Variants in MIA2 observed in about 807,000 individuals in gnomAD.
The protein encoded by MIA2 is MIA SH3 domain ER export factor 2.
MIA2 carries 127 observed loss-of-function variants against 167.8 expected under a neutral mutation model. The observed-to-expected ratio is 0.76, with a 90% CI of 0.66 to 0.88. The LOEUF (loss-of-function observed/expected upper bound fraction) is 0.88, where lower values mean the gene tolerates loss of function less well. MIA2 is among the 40% of genes least tolerant of loss of function. The pLI is 0.00. For synonymous variants in MIA2, 552 were observed against 541.9 expected, an observed-to-expected ratio of 1.02 and a Z score of -0.26; for missense variants, 1,690 against 1,624.7, an observed-to-expected ratio of 1.04 and a Z score of -0.69.
intron 25 of MIA2, among the ~76,000 whole-genome samples, chr14:39,333,986 T>C (rs1328231308): frequency 1.3e-5 from 2 of 152,176 alleles, no homozygotes; most frequent in Non-Finnish European, 1.5e-5. Context: ...CAAGGGTAAT[T>C]CTACAGACAC....
intron 25 of MIA2, among the ~76,000 whole-genome samples, chr14:39,341,194 C>T (rs1021045962): frequency 2.0e-5 from 3 of 151,970 alleles, no homozygotes; most frequent in South Asian, 2.1e-4. Flanking sequence ...CCCAGCTGCT[C>T]GGGAGGCTGA....
intron 25 of MIA2, among the ~76,000 whole-genome samples, chr14:39,329,073 C>G (rs935276743): frequency 6.6e-6 from 1 of 152,082 alleles, no homozygotes; most frequent in South Asian, 2.1e-4. Context: ...GCCATTTTCA[C>G]GATATTGATT....
At chr14:39,265,309 G>C (rs2055419502) in intron 6 of MIA2, 4 of 1,045,390 alleles carry the variant, frequency 3.8e-6, no homozygotes, top group Non-Finnish European at 6.0e-6. Context: ...GGATATATTA[G>C]AATCTGAAAT....
chr14:39,329,307 T>TCCC (rs2068265267), intron 25 of MIA2, among the ~76,000 whole-genome samples: 2 of 152,224 alleles, frequency 1.3e-5, no homozygotes, highest in Non-Finnish European at 2.9e-5. Flanking sequence ...CACATTGATT[T>TCCC]TGTATCCTGA....
chr14:39,365,901 T>C (rs73279366), intron 23 of MIA2, among the ~76,000 whole-genome samples: 12,282 of 152,250 alleles, frequency 0.081, 1,648 homozygotes, highest in African/African-American at 0.27. Context: ...TTTTATGTTT[T>C]TTGTCTCCTT....
chr14:39,307,390 A>ATTTTTTTTT (rs373046158), intron 17 of MIA2, among the ~76,000 whole-genome samples: 10 of 67,530 alleles, frequency 1.5e-4, no homozygotes, highest in African/African-American at 4.4e-4. Flanking sequence ...AGTTAAAAGA[A>ATTTTTTTTT]TTTTTTTTTT....
At chr14:39,344,697 T>C (rs1242559985) in intron 25 of MIA2, among the ~76,000 whole-genome samples, 1 of 152,202 alleles carries the variant, frequency 6.6e-6, no homozygotes, top group Admixed American at 6.5e-5. Context: ...TGGGGTTGTT[T>C]ACGTATATCT....
chr14:39,264,003 G>T (rs10130117), intron 6 of MIA2, among the ~76,000 whole-genome samples: 1,910 of 152,148 alleles, frequency 0.013, 49 homozygotes, highest in African/African-American at 0.043. Context: ...TGTTACAAGG[G>T]TTGATTTCGT....
At position 39,248,133 on chromosome 14, in the gene MIA2, G is replaced by T. The variant is rs1306503281; in HGVS notation, c.1559G>T (p.Ser520Ile). The change falls in exon 4 of 29, where the codon AGT becomes ATT. Residue 520 changes from serine to isoleucine, a missense_variant. By Grantham distance (142) the Ser-to-Ile change is moderately radical (BLOSUM62 -2). Transcript: ENST00000640607. Reference sequence around the variant, plus strand: ...GTTATGATATTCAAAAGTTCATACAGTCTGTCAGGTTGGTATGAAAATATT... The same window carrying T: ...GTTATGATATTCAAAAGTTCATACATTCTGTCAGGTTGGTATGAAAATATT... Reference protein sequence around the residue: ...TKVMIFKSSYSLSDMVSNIEL... With the variant: ...TKVMIFKSSYILSDMVSNIEL... 1 of 1,435,906 alleles carries T rather than the reference G, an allele frequency of 7.0e-7. No homozygotes were observed. The highest frequency in any genetic ancestry group is 1.4e-5 in the African/African-American group (1 of 69,294). The allele number at this position is 1,435,906 out of a possible 1,614,324, so 88.9% of individuals were successfully genotyped here.
At position 39,247,747 on chromosome 14, in the gene MIA2, G is replaced by A. The variant is rs779592240; in HGVS notation, c.1173G>A (p.Lys391=). 86 of 1,613,382 alleles carry A rather than the reference G, an allele frequency of 5.3e-5. 1 individual carries two copies. The South Asian group carries it at 9.1e-4, about 17-fold the overall frequency. Reference sequence around the variant, plus strand: ...CTATACTAGGCTTTGCATATGCCAAGGAAGATAAAATTATGTTAGATGACA... The same window carrying A: ...CTATACTAGGCTTTGCATATGCCAAAGAAGATAAAATTATGTTAGATGACA... ...GFAILGFAYA[K]EDKIMLDDRK... The change falls in exon 4 of 29, where the codon AAG becomes AAA. Residue 391 remains lysine (K), a synonymous_variant. Transcript: ENST00000640607.
intron 14 of MIA2, among the ~76,000 whole-genome samples, chr14:39,300,741 C>T (rs1163281399): frequency 6.6e-6 from 1 of 151,674 alleles, no homozygotes; most frequent in Admixed American, 6.6e-5. Context: ...GGGTACAGCA[C>T]ACCAACATGG....
chr14:39,248,641 G>T (rs1010909078), intron 4 of MIA2, among the ~76,000 whole-genome samples: 5 of 151,928 alleles, frequency 3.3e-5, no homozygotes, highest in Admixed American at 2.0e-4. Flanking sequence ...TCCTATTCTG[G>T]TAGGTGTGGA....
At chr14:39,261,830 T>G (rs2055131933) in intron 6 of MIA2, among the ~76,000 whole-genome samples, 3 of 152,324 alleles carry the variant, frequency 2.0e-5, no homozygotes, top group Admixed American at 1.3e-4. Flanking sequence ...CACGTGTTGA[T>G]GGGGTTGTTT....
At chr14:39,355,945 C>T (rs574304141), downstream of MIA2, among the ~76,000 whole-genome samples, 207 of 152,186 alleles carry the variant, frequency 1.4e-3, no homozygotes, top group Admixed American at 3.4e-3. Context: ...GCTGTGGATT[C>T]GGTTTGCCAG....
chr14:39,347,272 A>G (rs954073204), intron 26 of MIA2, among the ~76,000 whole-genome samples: 1 of 152,206 alleles, frequency 6.6e-6, no homozygotes, highest in Admixed American at 6.5e-5. Context: ...TTTCTTGATG[A>G]TAACAAAGTT....
intron 25 of MIA2, among the ~76,000 whole-genome samples, chr14:39,329,653 GT>G (rs139865314): frequency 0.35 from 48,756 of 140,486 alleles, 9,145 homozygotes; most frequent in African/African-American, 0.53. Context: ...AGTTTATTGA[GT>G]TTTTTTTTTT....
chr14:39,278,255 C>T (rs978650395), intron 7 of MIA2, among the ~76,000 whole-genome samples: 72 of 152,122 alleles, frequency 4.7e-4, no homozygotes, highest in Admixed American at 4.4e-3. Context: ...TTAATCACCA[C>T]GCCTGGCCTA....
chr14:39,306,048 G>A (rs531631342), intron 17 of MIA2, among the ~76,000 whole-genome samples: 1 of 151,820 alleles, frequency 6.6e-6, no homozygotes, highest in Non-Finnish European at 1.5e-5. Context: ...AATACCCAAC[G>A]TTAATTTCTT....
At chr14:39,339,613 A>G (rs548227091) in intron 25 of MIA2, among the ~76,000 whole-genome samples, 3 of 152,312 alleles carry the variant, frequency 2.0e-5, no homozygotes, top group South Asian at 4.1e-4. Context: ...ATGTATTTCA[A>G]TGATGAGTTA....
Sources: gnomAD v4.1 joint callset for allele counts (sites outside exome capture counted in the v4.1 genomes callset) on GRCh38, gnomAD v4.1.1 for gene constraint, MANE v1.5 for transcripts, NCBI Gene and HGNC (gene_info 2026-07-23, HGNC 2026-07-21) for gene names.